HAVCR2: variants seen among roughly 807,000 people sequenced by gnomAD.
HAVCR2 encodes the protein T cell immunoglobulin mucin 3.
A neutral mutation model predicts 24.7 loss-of-function variants in HAVCR2; 13 were observed. The ratio of observed to expected loss-of-function variants is 0.53; its 90% CI spans 0.34 to 0.84. The LOEUF (loss-of-function observed/expected upper bound fraction) is 0.84. Ranked by LOEUF, HAVCR2 falls within the 40% of genes least tolerant of loss-of-function variation. The pLI, the probability that HAVCR2 is intolerant of heterozygous loss-of-function variation, is 0.01. For missense variants in HAVCR2, 343 were observed against 371.2 expected (o/e 0.92, Z 0.62); for synonymous variants, 154 against 143.4 (o/e 1.07, Z -0.53).
rs1459619990 is a variant in HAVCR2 at position 157,087,106 on chromosome 5, G to A, written c.902C>T (p.Pro301Leu). The change falls in exon 7 of 7, where the codon CCA becomes CTA. Residue 301 changes from proline to leucine, a missense_variant. Coordinates refer to ENST00000307851, the MANE Select transcript of HAVCR2 (RefSeq NM_032782.5). ...TCAAAAATAAGGTGGTTGGATCTAT[G>A]GCATTGCAAAGCGACAACCCAAAGG... ...SQPLGCRFAM[P>L] is the part of the protein sequence containing the mutation. 3 of 1,612,816 alleles carry A rather than the reference G, an allele frequency of 1.9e-6. No homozygotes were observed. The highest frequency in any genetic ancestry group is 2.5e-6 in the Non-Finnish European group (3 of 1,179,682).
chr5:157,095,754 C>A (rs1000140896), intron 4 of HAVCR2, among the ~76,000 whole-genome samples: 3 of 151,500 alleles, frequency 2.0e-5, no homozygotes, highest in Admixed American at 1.3e-4. Flanking sequence ...AGACCCTTTC[C>A]CTGCCCCTGC....
chr5:157,100,955 G>T (rs532216642), intron 3 of HAVCR2, among the ~76,000 whole-genome samples: 2 of 151,954 alleles, frequency 1.3e-5, no homozygotes, highest in Non-Finnish European at 2.9e-5. Context: ...AATTAGCCGG[G>T]CGTGGTGGTG....
At chr5:157,102,334 A>G (rs1757179374) in intron 3 of HAVCR2, among the ~76,000 whole-genome samples, 1 of 152,086 alleles carries the variant, frequency 6.6e-6, no homozygotes, top group African/African-American at 2.4e-5. Context: ...TTGGCCTCCC[A>G]TAGTGCTGGG....
Position 157,106,778 on chromosome 5 carries a change from T to C in HAVCR2, c.243A>G (p.Arg81=). The stretch of plus-strand genomic sequence containing the variant: ...TGCGGAAATCCCCATTTAGCCAGTA[T>C]CTGGATGTCCAATAATTCACATCCC... ...DERDVNYWTS[R]YWLNGDFRKG... Residue 81 remains arginine, a synonymous_variant, in exon 2 of 7, where the codon AGA becomes AGG. Transcript: ENST00000307851. 1 of 1,614,196 alleles carries C rather than the reference T, an allele frequency of 6.2e-7. No individual in the cohort carries two copies. Among genetic ancestry groups the C allele is most frequent in the Non-Finnish European group, 8.5e-7 (1 of 1,180,044 alleles).
intron 6 of HAVCR2, among the ~76,000 whole-genome samples, chr5:157,088,244 C>A (rs1302620984): frequency 1.3e-5 from 2 of 152,174 alleles, no homozygotes; most frequent in Non-Finnish European, 2.9e-5. Flanking sequence ...ATATTGTATT[C>A]CATTCATGTG....
chr5:157,096,634 A>G (rs1003457986), intron 4 of HAVCR2, among the ~76,000 whole-genome samples: 5 of 151,962 alleles, frequency 3.3e-5, no homozygotes, highest in Non-Finnish European at 7.4e-5. Flanking sequence ...AAAATTAGCC[A>G]GGTGTGGTGG....
chr5:157,091,599 C>T (rs537285331), intron 5 of HAVCR2, among the ~76,000 whole-genome samples: 19 of 151,248 alleles, frequency 1.3e-4, no homozygotes, highest in Non-Finnish European at 2.2e-4. Flanking sequence ...GAGACAACTC[C>T]TTTGAAAAAT....
intron 5 of HAVCR2, 76 bp downstream of exon 5, chr5:157,095,230 G>C: frequency 1.3e-6 from 2 of 1,498,752 alleles, no homozygotes; most frequent in Non-Finnish European, 1.8e-6. Flanking sequence ...ACATGAATTT[G>C]CATTTCTATC....
intron 5 of HAVCR2, 144 bp from the exon 6 acceptor site, chr5:157,089,121 GC>G (rs1472745925): frequency 1.2e-5 from 8 of 655,106 alleles, no homozygotes; most frequent in Non-Finnish European, 1.8e-5. Flanking sequence ...CTCAACGTGT[GC>G]CTTAGATAGT....
At position 157,100,556 on chromosome 5, in the gene HAVCR2, A is replaced by T. The variant is rs1581760652; in HGVS notation, c.479-1655T>A. On this transcript the variant is annotated intron_variant, in intron 3 of 6. Coordinates refer to ENST00000307851, the MANE Select transcript of HAVCR2 (RefSeq NM_032782.5). ...AACACTGAATTCTAAAAATAAGTAC[A>T]TTGCCAGCTTTTGGAAAACTAAGCA... is the stretch of plus-strand genomic sequence containing the variant. Among the ~76,000 whole-genome samples, 8 of 152,348 alleles carry T rather than the reference A, an allele frequency of 5.3e-5. 1 individual carries two copies. The highest frequency in any genetic ancestry group is 5.2e-4 in the Admixed American group (8 of 15,302).
chr5:157,100,843 T>C (rs947710716), intron 3 of HAVCR2, among the ~76,000 whole-genome samples: 1 of 152,146 alleles, frequency 6.6e-6, no homozygotes, highest in Non-Finnish European at 1.5e-5. Context: ...ACACCTGTAA[T>C]CCCAGCACTT....
At chr5:157,095,900 A>G (rs1007118684) in intron 4 of HAVCR2, among the ~76,000 whole-genome samples, 2 of 152,126 alleles carry the variant, frequency 1.3e-5, no homozygotes, top group African/African-American at 4.8e-5. Context: ...TCAATAGCCA[A>G]GACTTTACAG....
intron 2 of HAVCR2, among the ~76,000 whole-genome samples, chr5:157,105,577 T>A (rs1757235429): frequency 6.6e-6 from 1 of 152,164 alleles, no homozygotes; most frequent in African/African-American, 2.4e-5. Flanking sequence ...ATGGCCCACA[T>A]GATCGGTATT....
intron 5 of HAVCR2, 102 bp downstream of exon 5, chr5:157,095,204 T>A: frequency 8.0e-7 from 1 of 1,252,506 alleles, no homozygotes; most frequent in South Asian, 1.4e-5. Context: ...TTTAGTCTAA[T>A]CATCTTTGGG....
In HAVCR2 at chr5:157,104,757, C is replaced by G. The variant is rs1278671743; in HGVS notation, c.395-8G>C. 1 of 1,569,580 alleles carries G rather than the reference C, an allele frequency of 6.4e-7. No individual in the cohort carries two copies. Among genetic ancestry groups the G allele is most frequent in the African/African-American group, 1.3e-5 (1 of 74,310 alleles). ...GTGCAGGGGTGACCTTGGCTAATGTCAGAAACAACATAAGGATGAAAATTA... is the reference window on the plus strand; with the variant it reads ...GTGCAGGGGTGACCTTGGCTAATGTGAGAAACAACATAAGGATGAAAATTA... On this transcript the variant is annotated splice_region_variant and splice_polypyrimidine_tract_variant and intron_variant, in intron 2 of 6. Coordinates refer to ENST00000307851, the MANE Select transcript of HAVCR2 (RefSeq NM_032782.5).
At chr5:157,090,193 G>A (rs1466253553) in intron 5 of HAVCR2, among the ~76,000 whole-genome samples, 1 of 121,396 alleles carries the variant, frequency 8.2e-6, no homozygotes, top group Non-Finnish European at 1.6e-5. Flanking sequence ...GCAGTAGTAA[G>A]ATCATATCTG....
intron 5 of HAVCR2, among the ~76,000 whole-genome samples, chr5:157,090,122 C>CTTTTTTTTTT (rs869177923): frequency 3.4e-3 from 221 of 65,576 alleles, no homozygotes; most frequent in Non-Finnish European, 4.1e-3. Context: ...CTTTTCTTTT[C>CTTTTTTTTTT]TTTTTTTTTT....
chr5:157,102,568 A>G (rs1024974796), intron 3 of HAVCR2, among the ~76,000 whole-genome samples: 1 of 152,142 alleles, frequency 6.6e-6, no homozygotes, highest in African/African-American at 2.4e-5. Context: ...GCCCTTGAGA[A>G]GCTCAGAGGT....
rs765572672 is a variant in HAVCR2 at position 157,106,786 on chromosome 5, T to A, written c.235A>T (p.Thr79Ser). ...TCCCCATTTAGCCAGTATCTGGATG[T>A]CCAATAATTCACATCCCTTTCATCA... is the stretch of plus-strand genomic sequence containing the variant. ...RTDERDVNYW[T>S]SRYWLNGDFR... Residue 79 changes from threonine (T) to serine (S), a missense_variant, in exon 2 of 7, where the codon ACA becomes TCA. Transcript: ENST00000307851. The A allele has an allele frequency of 3.1e-6, 5 of 1,614,100 alleles. No individual in the cohort carries two copies. The highest frequency in any genetic ancestry group is 3.4e-6 in the Non-Finnish European group (4 of 1,180,038).
Sources: allele counts gnomAD v4.1 joint callset (sites outside exome capture counted in the v4.1 genomes callset), GRCh38; gene constraint gnomAD v4.1.1; transcripts MANE v1.5; gene names NCBI Gene and HGNC (gene_info 2026-07-23, HGNC 2026-07-21).